RORA: variants seen among roughly 807,000 people sequenced by gnomAD.
The protein encoded by RORA is RAR related orphan receptor A, also known as nuclear receptor ROR-alpha.
Under a neutral mutation model 69.5 loss-of-function variants are expected in RORA, and 7 were observed. The observed-to-expected ratio is 0.10, with a 90% CI of 0.06 to 0.19. The LOEUF (loss-of-function observed/expected upper bound fraction) is 0.19, where lower values mean the gene tolerates loss of function less well. RORA is among the 10% of genes least tolerant of loss of function. The pLI is 1.00. For synonymous variants in RORA, 261 were observed against 240.8 expected, an observed-to-expected ratio of 1.08 and a Z score of -0.78; for missense variants, 457 against 663.0, an observed-to-expected ratio of 0.69 and a Z score of 3.41.
intron 1 of RORA, among the ~76,000 whole-genome samples, chr15:61,057,368 G>A (rs1190350055): frequency 6.6e-6 from 1 of 152,150 alleles, no homozygotes; most frequent in Non-Finnish European, 1.5e-5. Flanking sequence ...ACAAACATTT[G>A]ACTTTTATGC....
At chr15:60,842,019 C>A (rs1381655540) in intron 1 of RORA, among the ~76,000 whole-genome samples, 2 of 152,118 alleles carry the variant, frequency 1.3e-5, no homozygotes, top group Non-Finnish European at 2.9e-5. Flanking sequence ...TCACTGCCAT[C>A]ACGGATGCCT....
intron 1 of RORA, among the ~76,000 whole-genome samples, chr15:60,860,853 C>T (rs1013858246): frequency 4.6e-5 from 7 of 152,220 alleles, no homozygotes; most frequent in African/African-American, 1.7e-4. Context: ...TATTTTCCCT[C>T]ACTGCCTTTC....
In RORA at chr15:60,948,224, T is replaced by C. The variant is rs572533050; in HGVS notation, c.167-269538A>G. Among the ~76,000 whole-genome samples the C allele has an allele frequency of 6.6e-5, 10 of 151,994 alleles. No individual in the cohort carries two copies. The East Asian group carries it at 1.7e-3, about 26-fold the overall frequency. ...AAAACTACCTGGAGAGCCTATTTTT[T>C]ATTCCCAGGCAAATATGACTGAAAA... is the stretch of plus-strand genomic sequence containing the variant. On this transcript the variant is annotated intron_variant, in intron 1 of 10. Transcript: ENST00000335670.
At chr15:60,837,046 T>G (rs1038811245) in intron 1 of RORA, among the ~76,000 whole-genome samples, 1 of 151,700 alleles carries the variant, frequency 6.6e-6, no homozygotes, top group African/African-American at 2.4e-5. Flanking sequence ...ACCTTTTTTT[T>G]TTTTTTGTAG....
chr15:60,503,422 T>C, intron 7 of RORA, 113 bp downstream of exon 7: 1 of 979,306 alleles, frequency 1.0e-6, no homozygotes, highest in East Asian at 2.6e-5. Context: ...AAACCTGAGC[T>C]ATTATCATTG....
At chr15:61,101,426 G>C (rs2078878055) in intron 1 of RORA, among the ~76,000 whole-genome samples, 2 of 151,990 alleles carry the variant, frequency 1.3e-5, no homozygotes, top group Admixed American at 6.5e-5. Context: ...AAAATTTCGA[G>C]GCACTGGGAA....
chr15:60,788,741 G>C (rs1350329120), intron 1 of RORA, among the ~76,000 whole-genome samples: 1 of 152,106 alleles, frequency 6.6e-6, no homozygotes, highest in Non-Finnish European at 1.5e-5. Context: ...CTCAGCCCAG[G>C]TACCTCAGCC....
chr15:60,801,169 C>T (rs1477371809), intron 1 of RORA, among the ~76,000 whole-genome samples: 1 of 152,184 alleles, frequency 6.6e-6, no homozygotes, highest in Non-Finnish European at 1.5e-5. Flanking sequence ...AGCATTTAAT[C>T]ACCTCACCAC....
chr15:61,014,523 T>A (rs1895213232), intron 1 of RORA, among the ~76,000 whole-genome samples: 1 of 152,230 alleles, frequency 6.6e-6, no homozygotes, highest in Admixed American at 6.5e-5. Flanking sequence ...TATTCCTGTC[T>A]TCTAAGGAGT....
At chr15:61,026,998 C>CT (rs1376525391) in intron 1 of RORA, among the ~76,000 whole-genome samples, 2 of 148,094 alleles carry the variant, frequency 1.4e-5, no homozygotes, top group African/African-American at 5.1e-5. Flanking sequence ...AGAAAGCCTC[C>CT]TGGCCTGCAA....
intron 1 of RORA, among the ~76,000 whole-genome samples, chr15:60,833,467 C>T (rs2073075650): frequency 1.3e-5 from 2 of 152,166 alleles, no homozygotes; most frequent in South Asian, 2.1e-4. Flanking sequence ...CCACCTGCCT[C>T]GGCCTCCCAA....
At chr15:60,729,950 ATAGCAACAT>A in intron 1 of RORA, among the ~76,000 whole-genome samples, 1 of 152,336 alleles carries the variant, frequency 6.6e-6, no homozygotes, top group East Asian at 1.9e-4. Context: ...ATTTCTGGAA[ATAGCAACAT>A]TAGCAGCACT....
At chr15:60,559,632 G>A (rs1286062844) in intron 2 of RORA, among the ~76,000 whole-genome samples, 4 of 152,074 alleles carry the variant, frequency 2.6e-5, no homozygotes, top group Admixed American at 6.5e-5. Flanking sequence ...GCTGTAGTAG[G>A]AAGGCAAAAA....
At chr15:60,745,976 C>A (rs2140854967) in intron 1 of RORA, among the ~76,000 whole-genome samples, 1 of 152,266 alleles carries the variant, frequency 6.6e-6, no homozygotes, top group East Asian at 1.9e-4. Context: ...CCCTCAATTG[C>A]AGACCCTCTG....
chr15:61,088,701 T>G (rs930664843), intron 1 of RORA, among the ~76,000 whole-genome samples: 4 of 152,122 alleles, frequency 2.6e-5, no homozygotes, highest in African/African-American at 9.7e-5. Flanking sequence ...CAAAATGGGC[T>G]AGTAAACTAG....
intron 1 of RORA, among the ~76,000 whole-genome samples, chr15:60,899,568 C>T (rs1302620162): frequency 6.6e-6 from 1 of 152,192 alleles, no homozygotes; most frequent in Non-Finnish European, 1.5e-5. Context: ...GCTTTCTCTT[C>T]AAGTTAGGTT....
chr15:60,925,659 G>A (rs1412166418), intron 1 of RORA, among the ~76,000 whole-genome samples: 3 of 152,194 alleles, frequency 2.0e-5, no homozygotes, highest in Admixed American at 6.5e-5. Flanking sequence ...TCATCAGACC[G>A]GCCATTGGCG....
chr15:60,842,849 C>A (rs1407381121), intron 1 of RORA, among the ~76,000 whole-genome samples: 1 of 152,142 alleles, frequency 6.6e-6, no homozygotes, highest in East Asian at 1.9e-4. Context: ...ATAAAGAAGA[C>A]ACGCAGCCCA....
chr15:60,678,715 T>C (rs767940594), intron 1 of RORA, 29 bp from the exon 2 acceptor site: 1 of 1,600,122 alleles, frequency 6.2e-7, no homozygotes, highest in East Asian at 2.2e-5. Context: ...TAACATAGGT[T>C]AGAAAGTGCC....
Sources: gnomAD v4.1 joint callset for allele counts (sites outside exome capture counted in the v4.1 genomes callset) on GRCh38, gnomAD v4.1.1 for gene constraint, MANE v1.5 for transcripts, NCBI Gene and HGNC (gene_info 2026-07-23, HGNC 2026-07-21) for gene names.